The following MCTP1 variants were observed in gnomAD, a reference collection of about 807,000 sequenced individuals.
MCTP1 encodes multiple C2 and transmembrane domain containing 1.
MCTP1 carries 69 observed loss-of-function variants against 120.6 expected under a neutral mutation model. The observed-to-expected ratio is 0.57, with a 90% CI of 0.47 to 0.70. The LOEUF (loss-of-function observed/expected upper bound fraction) is 0.70. MCTP1 is among the 30% of genes least tolerant of loss of function. The probability of loss-of-function intolerance (pLI) is 0.00; values close to 1 mark genes in which losing one functional copy is unlikely to be tolerated. For missense variants in MCTP1, 1,203 were observed against 1,248.8 expected (o/e 0.96, Z 0.55); for synonymous variants, 529 against 493.1 (o/e 1.07, Z -0.96).
intron 1 of MCTP1, among the ~76,000 whole-genome samples, chr5:95,099,288 A>C (rs1450936359): frequency 3.9e-5 from 6 of 152,150 alleles, no homozygotes; most frequent in East Asian, 1.9e-4. Context: ...TAATGAAACT[A>C]AAGAGCTTCT....
chr5:94,940,601 C>T (rs1246181326), intron 4 of MCTP1, among the ~76,000 whole-genome samples: 2 of 144,532 alleles, frequency 1.4e-5, no homozygotes, highest in South Asian at 4.3e-4. Flanking sequence ...TATATATACA[C>T]ATATACATAT....
intron 6 of MCTP1, among the ~76,000 whole-genome samples, chr5:94,930,496 AC>A (rs970783625): frequency 1.1e-4 from 16 of 151,660 alleles, no homozygotes; most frequent in African/African-American, 3.9e-4. Flanking sequence ...CTGGTCTCGA[AC>A]TCCTGACCTC....
chr5:95,104,408 A>G (rs949813420), intron 1 of MCTP1, among the ~76,000 whole-genome samples: 1 of 152,206 alleles, frequency 6.6e-6, no homozygotes, highest in Non-Finnish European at 1.5e-5. Flanking sequence ...GAATTTTTGG[A>G]AAAAGGGAAA....
intron 1 of MCTP1, among the ~76,000 whole-genome samples, chr5:95,203,675 G>T (rs1420014903): frequency 6.6e-6 from 1 of 152,204 alleles, no homozygotes; most frequent in Non-Finnish European, 1.5e-5. Context: ...GTGAGTGAAA[G>T]AAAGCCAGTA....
At chr5:94,870,771 G>C (rs1297857912) in intron 15 of MCTP1, 101 bp downstream of exon 15, 2 of 885,196 alleles carry the variant, frequency 2.3e-6, no homozygotes, top group Non-Finnish European at 1.8e-6. Context: ...TGAAGGTTTA[G>C]AGAAAATGAG....
chr5:95,134,023 A>G (rs1759248908), intron 1 of MCTP1, among the ~76,000 whole-genome samples: 1 of 152,180 alleles, frequency 6.6e-6, no homozygotes, highest in Admixed American at 6.5e-5. Context: ...CATGCTTGGC[A>G]CGTACTTTTC....
intron 1 of MCTP1, among the ~76,000 whole-genome samples, chr5:95,129,168 G>A (rs950228728): frequency 3.9e-5 from 6 of 152,168 alleles, no homozygotes; most frequent in African/African-American, 1.2e-4. Flanking sequence ...CTTCATGCAA[G>A]GTTAAAGTGA....
At chr5:95,030,052 C>T (rs201855124) in intron 1 of MCTP1, among the ~76,000 whole-genome samples, 5 of 152,304 alleles carry the variant, frequency 3.3e-5, no homozygotes, top group South Asian at 2.1e-4. Flanking sequence ...AAGAGGTTCT[C>T]GCCTGAGCCC....
rs1169588105 is a variant in MCTP1, at chr5:94,847,682, G to GTGTATATATATATATA, written c.2436+20650_2436+20651insTATATATATATATACA. The stretch of plus-strand genomic sequence containing the variant: ...TGTGTGTGTGTGTGTGTGTGTGTGT[G>GTGTATATATATATATA]TATATATATATATATATATATATGT... On this transcript the variant is annotated intron_variant, in intron 17 of 22. Transcript: ENST00000515393. Among the ~76,000 whole-genome samples, 129 of 102,376 alleles carry GTGTATATATATATATA rather than the reference G, an allele frequency of 1.3e-3. 1 individual carries two copies. The highest frequency in any genetic ancestry group is 4.9e-3 in the African/African-American group (127 of 26,112). 67.2% of individuals were successfully genotyped at this position (102,376 alleles called of 152,430 possible).
intron 11 of MCTP1, 122 bp from the exon 12 acceptor site, chr5:94,889,094 AAACT>A (rs1169503955): frequency 2.0e-5 from 12 of 596,590 alleles, no homozygotes; most frequent in South Asian, 2.5e-5. Flanking sequence ...GATCAACATT[AAACT>A]AACTAATTTT....
intron 1 of MCTP1, among the ~76,000 whole-genome samples, chr5:95,121,408 A>G (rs1055367951): frequency 4.0e-5 from 6 of 151,868 alleles, no homozygotes; most frequent in African/African-American, 1.4e-4. Flanking sequence ...TACAATAACC[A>G]CAAATAAAAT....
At chr5:95,211,080 C>T (rs1396409902) in intron 1 of MCTP1, among the ~76,000 whole-genome samples, 6 of 151,392 alleles carry the variant, frequency 4.0e-5, no homozygotes, top group African/African-American at 9.7e-5. Context: ...GTGGGTAACC[C>T]GACCTTTCTC....
chr5:94,768,355 A>G (rs1355219896), intron 19 of MCTP1, among the ~76,000 whole-genome samples: 1 of 152,146 alleles, frequency 6.6e-6, no homozygotes, highest in African/African-American at 2.4e-5. Context: ...GCAAAGTTTT[A>G]TGGCTAATAC....
At chr5:95,274,393 G>C (rs968000623) in intron 1 of MCTP1, among the ~76,000 whole-genome samples, 2 of 152,070 alleles carry the variant, frequency 1.3e-5, no homozygotes, top group Non-Finnish European at 2.9e-5. Flanking sequence ...AATGGAAAAG[G>C]GGTGCTTCTT....
chr5:95,086,692 C>A (rs1755464292), intron 1 of MCTP1, among the ~76,000 whole-genome samples: 1 of 152,068 alleles, frequency 6.6e-6, no homozygotes, highest in African/African-American at 2.4e-5. Context: ...ACAAGTTATT[C>A]ATTTGAAGAA....
chr5:95,112,195 C>T (rs147952577), intron 1 of MCTP1, among the ~76,000 whole-genome samples: 2 of 152,286 alleles, frequency 1.3e-5, no homozygotes, highest in African/African-American at 2.4e-5. Flanking sequence ...AATGGAAATG[C>T]TCCTGGATAC....
At chr5:95,271,315 G>A (rs995185674) in intron 1 of MCTP1, among the ~76,000 whole-genome samples, 8 of 152,186 alleles carry the variant, frequency 5.3e-5, no homozygotes, top group African/African-American at 1.7e-4. Context: ...AGCCACCCAC[G>A]ACATAGGAAG....
At chr5:95,183,625 C>A (rs1297561355) in intron 1 of MCTP1, among the ~76,000 whole-genome samples, 1 of 151,842 alleles carries the variant, frequency 6.6e-6, no homozygotes, top group African/African-American at 2.4e-5. Context: ...AAGAAAAAGA[C>A]AAACTACTGA....
intron 19 of MCTP1, among the ~76,000 whole-genome samples, chr5:94,761,663 T>C (rs1446304429): frequency 6.6e-6 from 1 of 152,178 alleles, no homozygotes; most frequent in Admixed American, 6.5e-5. Context: ...TCTTGGGAAA[T>C]TGTGGCCAAT....
Sources: gnomAD v4.1 joint callset for allele counts (sites outside exome capture counted in the v4.1 genomes callset) on GRCh38, gnomAD v4.1.1 for gene constraint, MANE v1.5 for transcripts, NCBI Gene and HGNC (gene_info 2026-07-23, HGNC 2026-07-21) for gene names.